Variants in MCPH1 observed in about 807,000 individuals in gnomAD.
MCPH1 encodes the protein microcephalin 1.
A neutral mutation model predicts 84.5 loss-of-function variants in MCPH1; 104 were observed. That is an observed-to-expected ratio of 1.23 (90% CI 1.05 to 1.45). The LOEUF (loss-of-function observed/expected upper bound fraction) is 1.45. Ranked by LOEUF, MCPH1 falls within the 40% of genes most tolerant of loss-of-function variation. The pLI, the probability that MCPH1 is intolerant of heterozygous loss-of-function variation, is 0.00. For missense variants in MCPH1, 1,498 were observed against 1,005.7 expected, an observed-to-expected ratio of 1.49 and a Z score of -6.62; for synonymous variants, 514 against 366.8, an observed-to-expected ratio of 1.40 and a Z score of -4.58.
chr8:6,643,125 C>T lies in MCPH1; in HGVS notation c.*76C>T, dbSNP rs1798043600. ...TTGGATGTTCAAATGAGAAACAAAA[C>T]TGTGAAGAGAAGGAACTGGCGTATA... is the stretch of plus-strand genomic sequence containing the variant. On this transcript the variant is annotated 3_prime_UTR_variant, in exon 14 of 14. Coordinates refer to ENST00000344683, the MANE Select transcript of MCPH1 (RefSeq NM_024596.5). 3 of 1,292,906 alleles carry T rather than the reference C, an allele frequency of 2.3e-6. No individual in the cohort carries two copies. The Admixed American group carries it at 5.2e-5, about 22-fold the overall frequency. 80.1% of individuals were successfully genotyped at this position (1,292,906 alleles called of 1,614,324 possible). A position where few individuals can be genotyped will look rare whatever the true frequency, so the allele number is the denominator to read the frequency against.
Position 6,445,125 on chromosome 8 carries a change from C to G in MCPH1, c.1403C>G (p.Thr468Ser), listed in dbSNP as rs548329168. 2 of 1,614,100 alleles carry G rather than the reference C, an allele frequency of 1.2e-6. No homozygotes were observed. The highest frequency in any genetic ancestry group is 2.2e-5 in the East Asian group (1 of 44,898). The change falls in exon 8 of 14, where the codon ACC becomes AGC. Residue 468 changes from threonine to serine, a missense_variant. Physicochemically the swap from Thr to Ser is moderately conservative, Grantham distance 58 (BLOSUM62 1). Transcript: ENST00000344683. ...MSDFSCVGKKTRTVDITNFTA... is the reference protein window; with the variant it reads ...MSDFSCVGKKSRTVDITNFTA... The stretch of plus-strand genomic sequence containing the variant: ...GATTTTTCCTGCGTTGGCAAAAAAA[C>G]CAGAACAGTTGACATTACCAATTTC...
chr8:6,564,463 G>T (rs548010920), intron 12 of MCPH1, among the ~76,000 whole-genome samples: 2 of 152,128 alleles, frequency 1.3e-5, no homozygotes, highest in South Asian at 4.2e-4. Context: ...CAATCCTATG[G>T]CTCTGTAAGT....
At chr8:6,605,278 C>A (rs1829668367) in intron 12 of MCPH1, among the ~76,000 whole-genome samples, 1 of 152,170 alleles carries the variant, frequency 6.6e-6, no homozygotes, top group Non-Finnish European at 1.5e-5. Context: ...CTTGTCACTG[C>A]CCTTTCTCTC....
intron 12 of MCPH1, among the ~76,000 whole-genome samples, chr8:6,588,355 T>A (rs1021537924): frequency 6.8e-6 from 1 of 147,298 alleles, no homozygotes; most frequent in Admixed American, 6.8e-5. Flanking sequence ...TTTTTTTTTT[T>A]AAGTGTAAAA....
At chr8:6,548,387 A>G (rs985769792) in intron 12 of MCPH1, among the ~76,000 whole-genome samples, 6 of 152,194 alleles carry the variant, frequency 3.9e-5, no homozygotes, top group Non-Finnish European at 7.3e-5. Context: ...AAATTTCCCG[A>G]AAATGGCAGT....
intron 12 of MCPH1, among the ~76,000 whole-genome samples, chr8:6,529,636 T>C (rs1819070762): frequency 6.7e-6 from 1 of 149,822 alleles, no homozygotes; most frequent in Admixed American, 6.6e-5. Flanking sequence ...TTTTTTTTTT[T>C]TTTTTTTTGG....
At chr8:6,633,066 T>G (rs1211552361) in intron 13 of MCPH1, among the ~76,000 whole-genome samples, 1 of 152,112 alleles carries the variant, frequency 6.6e-6, no homozygotes, top group Non-Finnish European at 1.5e-5. Context: ...TAGATAACTT[T>G]CTTAACTATG....
chr8:6,542,646 T>G (rs1821828297), intron 12 of MCPH1, among the ~76,000 whole-genome samples: 2 of 152,176 alleles, frequency 1.3e-5, no homozygotes, highest in Admixed American at 1.3e-4. Flanking sequence ...TCTTACTTTT[T>G]CATTTTTGAA....
At chr8:6,562,898 G>A (rs1452198017) in intron 12 of MCPH1, 4 of 1,606,896 alleles carry the variant, frequency 2.5e-6, no homozygotes, top group Non-Finnish European at 3.4e-6. Context: ...GCCAAGACAA[G>A]ATCACAGCTC....
At chr8:6,520,912 C>G (rs1338327734) in intron 12 of MCPH1, among the ~76,000 whole-genome samples, 2 of 152,204 alleles carry the variant, frequency 1.3e-5, no homozygotes, top group African/African-American at 4.8e-5. Context: ...TTTGCCCAGT[C>G]TCATCCTTCT....
intron 9 of MCPH1, among the ~76,000 whole-genome samples, chr8:6,473,653 A>C (rs1187844959): frequency 6.6e-6 from 1 of 152,140 alleles, no homozygotes. Context: ...TAACAATGCT[A>C]TATTTGTTGT....
chr8:6,622,531 T>C (rs548779449), intron 13 of MCPH1, among the ~76,000 whole-genome samples: 1 of 152,300 alleles, frequency 6.6e-6, no homozygotes, highest in African/African-American at 2.4e-5. Flanking sequence ...CCCTCCTCCA[T>C]GGGGTTGTGA....
intron 11 of MCPH1, among the ~76,000 whole-genome samples, chr8:6,482,891 C>G (rs944160135): frequency 1.1e-4 from 16 of 152,162 alleles, no homozygotes; most frequent in African/African-American, 3.6e-4. Context: ...CTGGGGCACT[C>G]AGACACATAA....
intron 12 of MCPH1, among the ~76,000 whole-genome samples, chr8:6,553,747 A>G (rs1183588384): frequency 6.6e-6 from 1 of 151,932 alleles, no homozygotes; most frequent in African/African-American, 2.4e-5. Context: ...GCAGAGGGGA[A>G]ATGGCAGTTT....
intron 12 of MCPH1, among the ~76,000 whole-genome samples, chr8:6,530,531 A>AAAAAT (rs1819290349): frequency 7.3e-6 from 1 of 136,916 alleles, no homozygotes; most frequent in South Asian, 2.3e-4. Flanking sequence ...AAAAAAAAAA[A>AAAAAT]GTAATGGCAA....
intron 9 of MCPH1, among the ~76,000 whole-genome samples, chr8:6,476,248 G>A (rs1808437438): frequency 6.6e-6 from 1 of 152,024 alleles, no homozygotes. Flanking sequence ...GGCCAACATG[G>A]TGGAACCCTG....
chr8:6,407,530 T>C (rs1414678074), intron 1 of MCPH1, among the ~76,000 whole-genome samples: 1 of 152,100 alleles, frequency 6.6e-6, no homozygotes, highest in Admixed American at 6.5e-5. Context: ...AGCGGACACG[T>C]GTCTTGTAGA....
At chr8:6,614,016 A>G (rs1830551562) in intron 12 of MCPH1, among the ~76,000 whole-genome samples, 1 of 152,148 alleles carries the variant, frequency 6.6e-6, no homozygotes, top group South Asian at 2.1e-4. Context: ...GGCTGCAGAC[A>G]TCGTTTGTAC....
At chr8:6,436,437 C>G (rs1020348134) in intron 5 of MCPH1, among the ~76,000 whole-genome samples, 4 of 152,156 alleles carry the variant, frequency 2.6e-5, no homozygotes, top group Admixed American at 2.0e-4. Context: ...GAAAAGCAAA[C>G]TTTGGCTAAT....
Sources: allele counts gnomAD v4.1 joint callset (sites outside exome capture counted in the v4.1 genomes callset), GRCh38; gene constraint gnomAD v4.1.1; transcripts MANE v1.5; gene names NCBI Gene and HGNC (gene_info 2026-07-23, HGNC 2026-07-21).